ABCG1: variants seen among roughly 807,000 people sequenced by gnomAD.
ABCG1 encodes ATP-binding cassette sub-family G member 1.
Under a neutral mutation model 69.2 loss-of-function variants are expected in ABCG1, and 29 were observed. The ratio of observed to expected loss-of-function variants is 0.42; its 90% CI spans 0.31 to 0.57. ABCG1 has a LOEUF of 0.57. Ranked by LOEUF, ABCG1 falls within the 20% of genes least tolerant of loss-of-function variation. ABCG1 has a pLI of 0.15. For missense variants in ABCG1, 718 were observed against 898.1 expected, an observed-to-expected ratio of 0.80 and a Z score of 2.56; for synonymous variants, 370 against 374.8, an observed-to-expected ratio of 0.99 and a Z score of 0.15.
intron 14 of ABCG1, 48 bp downstream of exon 14, chr21:42,294,708 G>A (rs781243479): frequency 9.8e-6 from 15 of 1,536,452 alleles, no homozygotes; most frequent in South Asian, 8.9e-5. Flanking sequence ...GGTGACGGGG[G>A]AAGAACCGTC....
upstream of ABCG1, among the ~76,000 whole-genome samples, chr21:42,211,631 G>C (rs1236627959): frequency 6.6e-6 from 1 of 151,952 alleles, no homozygotes; most frequent in East Asian, 1.9e-4. Context: ...TGTAATCCCA[G>C]CACTTTGGGA....
intron 2 of ABCG1, among the ~76,000 whole-genome samples, chr21:42,210,497 A>G (rs2067578169): frequency 6.6e-6 from 1 of 152,124 alleles, no homozygotes; most frequent in African/African-American, 2.4e-5. Flanking sequence ...TTGGGGCCAG[A>G]TGTTATTTAC....
intron 4 of ABCG1, among the ~76,000 whole-genome samples, chr21:42,275,831 C>T (rs768451813): frequency 6.6e-6 from 1 of 152,218 alleles, no homozygotes; most frequent in Admixed American, 6.5e-5. Flanking sequence ...AGATATTGGC[C>T]GCCCGTTGCG....
chr21:42,290,990 G>A, intron 11 of ABCG1, 102 bp from the exon 12 acceptor site: 1 of 832,366 alleles, frequency 1.2e-6, no homozygotes, highest in Non-Finnish European at 2.0e-6. Context: ...CTAGGCCAGA[G>A]CTGGGTTACC....
intron 2 of ABCG1, among the ~76,000 whole-genome samples, chr21:42,229,894 A>G (rs1489744326): frequency 6.6e-6 from 1 of 152,212 alleles, no homozygotes; most frequent in African/African-American, 2.4e-5. Context: ...AAGACACTGG[A>G]CCACTCCGGT....
chr21:42,203,429 A>G (rs778054976), intron 2 of ABCG1, among the ~76,000 whole-genome samples: 11 of 152,070 alleles, frequency 7.2e-5, no homozygotes, highest in Admixed American at 2.6e-4. Context: ...TTTCACATCT[A>G]TGATGCATTT....
At chr21:42,294,460 G>T in intron 13 of ABCG1, 82 bp from the exon 14 acceptor site, 1 of 1,101,326 alleles carries the variant, frequency 9.1e-7, no homozygotes, top group Non-Finnish European at 1.4e-6. Context: ...CTGCCCGGGG[G>T]AAGCTGGCGT....
At chr21:42,216,243 T>C, upstream of ABCG1, 2 of 397,976 alleles carry the variant, frequency 5.0e-6, no homozygotes, top group Non-Finnish European at 1.0e-5. Context: ...GGTATGTCTT[T>C]ATCGGCAGCG....
intron 2 of ABCG1, chr21:42,256,582 A>C (rs1406184221): frequency 4.6e-6 from 7 of 1,526,990 alleles, no homozygotes; most frequent in Non-Finnish European, 6.2e-6. Context: ...TGACCCATGA[A>C]GAGAAAGCAG....
chr21:42,248,336 A>G (rs761134782), intron 2 of ABCG1, among the ~76,000 whole-genome samples: 2 of 152,208 alleles, frequency 1.3e-5, no homozygotes, highest in African/African-American at 2.4e-5. Flanking sequence ...CTGTCCAGAC[A>G]GCAGTGGTGG....
intron 5 of ABCG1, among the ~76,000 whole-genome samples, chr21:42,277,456 A>G (rs1249219322): frequency 6.7e-6 from 1 of 150,342 alleles, no homozygotes; most frequent in African/African-American, 2.5e-5. Context: ...AGACTTTCTA[A>G]TCCCTTTAGC....
chr21:42,212,415 G>C (rs923880980), upstream of ABCG1, among the ~76,000 whole-genome samples: 1 of 152,194 alleles, frequency 6.6e-6, no homozygotes, highest in African/African-American at 2.4e-5. Flanking sequence ...AAGTGGCTGT[G>C]ATCAGAATGC....
In ABCG1 at chr21:42,294,586, G is replaced by A; in HGVS notation, c.1698G>A (p.Leu566=). 2 of 1,614,222 alleles carry A rather than the reference G, an allele frequency of 1.2e-6. No individual in the cohort carries two copies. Among genetic ancestry groups the A allele is most frequent in the Non-Finnish European group, 1.7e-6 (2 of 1,180,026 alleles). ...VGPVTAIPVL[L]FSGFFVSFDT... is the part of the protein sequence containing the mutation. ...CAGTGACAGCCATCCCGGTGCTCCT[G>A]TTCTCGGGGTTCTTCGTCAGCTTCG... is the stretch of plus-strand genomic sequence containing the variant. The change falls in exon 14 of 15, where the codon CTG becomes CTA. Residue 566 remains leucine, a synonymous_variant. Coordinates refer to ENST00000398449, the MANE Select transcript of ABCG1 (RefSeq NM_016818.3).
intron 2 of ABCG1, among the ~76,000 whole-genome samples, chr21:42,248,522 TACA>T (rs1389806934): frequency 6.6e-6 from 1 of 152,154 alleles, no homozygotes; most frequent in Admixed American, 6.5e-5. Flanking sequence ...TCGACCTGAA[TACA>T]GCGCTCTCAG....
intron 13 of ABCG1, among the ~76,000 whole-genome samples, chr21:42,293,521 A>C (rs963790437): frequency 7.3e-6 from 1 of 137,878 alleles, no homozygotes; most frequent in African/African-American, 2.8e-5. Context: ...ACTACCCACC[A>C]CACATACTAC....
chr21:42,284,689 C>T lies in ABCG1; in HGVS notation c.858+6C>T, dbSNP rs200278092. On this transcript the variant is annotated splice_donor_region_variant and intron_variant, in intron 7 of 14. Transcript: ENST00000398449. ...TCTTCGAGCTGTTCGACCAGGTACG[C>T]GGGCCCCGGGCCCTCCCCGCCAGAT... 3.0e-4 allele frequency: 483 copies of T among 1,611,604 alleles called. No homozygotes were observed. The highest frequency in any genetic ancestry group is 3.8e-4 in the Non-Finnish European group (453 of 1,179,838).
chr21:42,256,325 C>A (rs1601400496), intron 2 of ABCG1: 1 of 1,549,548 alleles, frequency 6.5e-7, no homozygotes, highest in Middle Eastern at 1.7e-4. Flanking sequence ...AGAGGGTGGG[C>A]CCTCTCTGCT....
chr21:42,237,834 G>A (rs1395014777), intron 2 of ABCG1, among the ~76,000 whole-genome samples: 1 of 152,178 alleles, frequency 6.6e-6, no homozygotes, highest in African/African-American at 2.4e-5. Context: ...CAGCACCGTG[G>A]ATGGACAGAG....
intron 13 of ABCG1, 66 bp from the exon 14 acceptor site, chr21:42,294,476 A>AG (rs1191199830): frequency 1.5e-6 from 2 of 1,313,148 alleles, no homozygotes; most frequent in Non-Finnish European, 2.2e-6. Flanking sequence ...GGCGTGGGCG[A>AG]GCCTCCTCTG....
Sources: allele counts gnomAD v4.1 joint callset (sites outside exome capture counted in the v4.1 genomes callset), GRCh38; gene constraint gnomAD v4.1.1; transcripts MANE v1.5; gene names NCBI Gene and HGNC (gene_info 2026-07-23, HGNC 2026-07-21).